The following PDE6B variants were observed in gnomAD, a reference collection of about 807,000 sequenced individuals.
PDE6B encodes phosphodiesterase 6B, also known as rod cGMP-specific 3',5'-cyclic phosphodiesterase subunit beta.
A neutral mutation model predicts 109.0 loss-of-function variants in PDE6B; 106 were observed. The observed-to-expected ratio is 0.97, with a 90% confidence interval of 0.83 to 1.14. PDE6B has a LOEUF of 1.14. PDE6B is among the 50% of genes most tolerant of loss of function. The pLI is 0.00. For missense variants in PDE6B, 1,193 were observed against 1,155.6 expected (o/e 1.03, Z -0.47); for synonymous variants, 490 against 471.3 (o/e 1.04, Z -0.51).
chr4:655,214 C>A (rs1221175379), intron 6 of PDE6B: 2 of 415,424 alleles, frequency 4.8e-6, no homozygotes, highest in Non-Finnish European at 9.0e-6. Flanking sequence ...CATGAAGGCC[C>A]CAGGATTTGA....
intron 3 of PDE6B, chr4:653,200 G>A (rs1177779813): frequency 1.0e-6 from 1 of 1,002,086 alleles, no homozygotes; most frequent in Admixed American, 5.3e-5. Flanking sequence ...AGAGGGAGCT[G>A]GCACCATGCG....
rs762304243 is a variant in PDE6B, at chr4:657,540, G to T, written c.1401+46G>T. On this transcript the variant is annotated intron_variant, in intron 10 of 21. Transcript: ENST00000496514. ...CAGGGGTCACCCAGGGGTCACGGCT[G>T]TGTGGCAGGGGCAGGTCGTCCAGGG... is the stretch of plus-strand genomic sequence containing the variant. 1.9e-6 allele frequency: 3 copies of T among 1,578,024 alleles called. No individual in the cohort carries two copies. In the South Asian group the frequency reaches 3.3e-5, roughly 17 times the overall value.
rs1301462164 is a variant in PDE6B, at chr4:655,675, A to T, written c.993-265A>T. Reference sequence around the variant, plus strand: ...TCAGAGAAGAGAGTAAATGCTGAGGATGGCACATGAGCCAGAGACCCCCAG... The same window carrying T: ...TCAGAGAAGAGAGTAAATGCTGAGGTTGGCACATGAGCCAGAGACCCCCAG... On this transcript the variant is annotated intron_variant, in intron 6 of 21. Coordinates refer to ENST00000496514, the MANE Select transcript of PDE6B (RefSeq NM_000283.4). 4 of 574,818 alleles carry T rather than the reference A, an allele frequency of 7.0e-6. No individual in the cohort carries two copies. The Admixed American group carries it at 8.6e-5, about 12-fold the overall frequency. The allele number at this position is 574,818 out of a possible 1,614,324, so 35.6% of individuals were successfully genotyped here. A position where few individuals can be genotyped will look rare whatever the true frequency, so the allele number is the denominator to read the frequency against.
Position 663,640 on chromosome 4 carries a change from G to T in PDE6B, c.1921-130G>T. 3 of 722,550 alleles carry T rather than the reference G, an allele frequency of 4.2e-6. No homozygotes were observed. The highest frequency in any genetic ancestry group is 2.7e-5 in the East Asian group (1 of 37,152). The allele number at this position is 722,550 out of a possible 1,614,324, so 44.8% of individuals were successfully genotyped here. ...GCCCTGAGCAGCAGGCGGATTAGGG[G>T]TCCCGCCCACCGAGGGCCCGAGGGC... On this transcript the variant is annotated intron_variant, in intron 15 of 21. Coordinates refer to ENST00000496514, the MANE Select transcript of PDE6B (RefSeq NM_000283.4). This position sits in a 1 kb window ranked among gnomAD's most constrained non-coding sequence, Gnocchi z 4.0.
At chr4:660,285 G>A (rs976274899) in intron 11 of PDE6B, among the ~76,000 whole-genome samples, 182 bp from the exon 12 acceptor site, 1 of 152,236 alleles carries the variant, frequency 6.6e-6, no homozygotes, top group African/African-American at 2.4e-5. Flanking sequence ...GGGAGAGTGA[G>A]GCTGAGCCAG....
chr4:668,310 C>T (rs916984471), intron 21 of PDE6B, among the ~76,000 whole-genome samples: 1 of 151,908 alleles, frequency 6.6e-6, no homozygotes, highest in Non-Finnish European at 1.5e-5. Flanking sequence ...AACAAGTCAG[C>T]ACACCCCCAA....
intron 3 of PDE6B, chr4:652,414 G>A: frequency 1.9e-5 from 13 of 689,458 alleles, no homozygotes; most frequent in Non-Finnish European, 2.1e-5. Context: ...GCAGGAGGCC[G>A]GGGCAGGAAG....
chr4:654,839 A>C lies in PDE6B; in HGVS notation c.943A>C (p.Lys315Gln). 1 of 1,570,736 alleles carries C rather than the reference A, an allele frequency of 6.4e-7. No individual in the cohort carries two copies. The highest frequency in any genetic ancestry group is 8.8e-7 in the Non-Finnish European group (1 of 1,140,634). Residue 315 changes from lysine (K) to glutamine (Q), a missense_variant, in exon 6 of 22, where the codon AAA becomes CAA. Lys to Gln is a moderately conservative substitution (Grantham distance 53). Coordinates refer to ENST00000496514, the MANE Select transcript of PDE6B (RefSeq NM_000283.4). ...TGCTTCTCAGGAAATTGTCTTCTAC[A>C]AAGTGATCGACTACGTCCTCCACGG... is the stretch of plus-strand genomic sequence containing the variant. ...TPDGREIVFYKVIDYVLHGKE... is the reference protein window; with the variant it reads ...TPDGREIVFYQVIDYVLHGKE...
At chr4:629,337 C>T (rs1400136204) in intron 1 of PDE6B, among the ~76,000 whole-genome samples, 2 of 152,230 alleles carry the variant, frequency 1.3e-5, no homozygotes, top group East Asian at 1.9e-4. Flanking sequence ...GAGTTCACAG[C>T]GAGGGCAGCT....
chr4:642,272 G>A lies in PDE6B; in HGVS notation c.711+6303G>A, dbSNP rs1734981079. 2.0e-5 allele frequency among the ~76,000 whole-genome samples: 3 copies of A among 151,828 alleles called. No individual in the cohort carries two copies. In the South Asian group the frequency reaches 6.2e-4, roughly 32 times the overall value. ...GGATCACCTGAGGTCGGGAGTTTGA[G>A]ATCAGCCTGACCAACATGGAGAAAA... On this transcript the variant is annotated intron_variant, in intron 3 of 21. Coordinates refer to ENST00000496514, the MANE Select transcript of PDE6B (RefSeq NM_000283.4).
At chr4:656,142 C>G in intron 7 of PDE6B, 103 bp from the exon 8 acceptor site, 1 of 1,019,860 alleles carries the variant, frequency 9.8e-7, no homozygotes, top group East Asian at 2.4e-5. Context: ...AGCTGCCCTG[C>G]TTTACCTACT....
At chr4:656,500 G>C (rs1736265552) in intron 8 of PDE6B, among the ~76,000 whole-genome samples, 1 of 151,420 alleles carries the variant, frequency 6.6e-6, no homozygotes, top group South Asian at 2.1e-4. Flanking sequence ...CGCCCGCAAG[G>C]CCGTGACCGC....
intron 3 of PDE6B, among the ~76,000 whole-genome samples, chr4:643,286 A>G (rs564383664): frequency 1.3e-3 from 193 of 152,106 alleles, no homozygotes; most frequent in African/African-American, 4.6e-3. Context: ...CCAGCCAGGG[A>G]GACAGAGCGA....
intron 3 of PDE6B, among the ~76,000 whole-genome samples, chr4:644,523 T>G (rs919300293): frequency 2.0e-5 from 3 of 151,838 alleles, no homozygotes; most frequent in Non-Finnish European, 2.9e-5. Flanking sequence ...AACAGTGTTT[T>G]TGTTTTTTTT....
At position 654,908 on chromosome 4, in the gene PDE6B, A is replaced by G. The variant is rs763939889; in HGVS notation, c.992+20A>G. 2 of 1,401,298 alleles carry G rather than the reference A, an allele frequency of 1.4e-6. No individual in the cohort carries two copies. Among genetic ancestry groups the G allele is most frequent in the African/African-American group, 2.8e-5 (2 of 70,978 alleles). 86.8% of individuals were successfully genotyped at this position (1,401,298 alleles called of 1,614,324 possible). On this transcript the variant is annotated intron_variant, in intron 6 of 21. Coordinates refer to ENST00000496514, the MANE Select transcript of PDE6B (RefSeq NM_000283.4). ...CATTCCGTAAGTGCAGGATTTTACC[A>G]GAAGCGTCCCCGGGGGAGGGACCGC...
In PDE6B at chr4:626,287, C is replaced by T. The variant is rs911795995; in HGVS notation, c.468+193C>T. Among the ~76,000 whole-genome samples, 9 of 152,344 alleles carry T rather than the reference C, an allele frequency of 5.9e-5. No individual in the cohort carries two copies. Among genetic ancestry groups the T allele is most frequent in the African/African-American group, 2.2e-4 (9 of 41,586 alleles). On this transcript the variant is annotated intron_variant, in intron 1 of 21. Coordinates refer to ENST00000496514, the MANE Select transcript of PDE6B (RefSeq NM_000283.4). The surrounding 1 kb of genome is among the most constrained non-coding windows in gnomAD (Gnocchi z 4.6). ...GCCCTGGCCGCCTGCCTCTCCGACTCGGCTTCTGGCTCAAGCTGACATCGC... is the reference window on the plus strand; with the variant it reads ...GCCCTGGCCGCCTGCCTCTCCGACTTGGCTTCTGGCTCAAGCTGACATCGC...
chr4:668,162 C>T (rs906461966), intron 21 of PDE6B, among the ~76,000 whole-genome samples, 156 bp downstream of exon 21: 1 of 151,950 alleles, frequency 6.6e-6, no homozygotes, highest in South Asian at 2.1e-4. Context: ...AGAGAGGCCA[C>T]GGCGGGGGAG....
intron 11 of PDE6B, among the ~76,000 whole-genome samples, chr4:660,225 G>A (rs1427659800): frequency 6.6e-6 from 1 of 152,156 alleles, no homozygotes; most frequent in Non-Finnish European, 1.5e-5. Context: ...ACATCACCCT[G>A]TCCACCCAAC....
rs751667958 is a variant in PDE6B at position 663,093 on chromosome 4, G to A, written c.1833-7G>A. The A allele has an allele frequency of 3.2e-6, 5 of 1,568,388 alleles. No homozygotes were observed. Among genetic ancestry groups the A allele is most frequent in the South Asian group, 2.2e-5 (2 of 90,224 alleles). On this transcript the variant is annotated splice_region_variant and splice_polypyrimidine_tract_variant and intron_variant, in intron 14 of 21. Transcript: ENST00000496514. The surrounding 1 kb of genome is among the most constrained non-coding windows in gnomAD (Gnocchi z 4.0). ...CACGGGCCTCACCTCCACCACCTGT[G>A]TAACAGGTCCCAGAACCCCTTGGCT...
Sources: gnomAD v4.1 joint callset for allele counts (sites outside exome capture counted in the v4.1 genomes callset) on GRCh38, gnomAD v4.1.1 for gene constraint, Gnocchi (gnomAD v3.1) non-coding constraint, MANE v1.5 for transcripts, NCBI Gene and HGNC (gene_info 2026-07-23, HGNC 2026-07-21) for gene names.